Variants in ARHGEF12 observed in about 807,000 individuals in gnomAD.
The protein encoded by ARHGEF12 is KMT2A/ARHGEF12 fusion protein.
ARHGEF12 carries 66 observed loss-of-function variants against 211.2 expected under a neutral mutation model. That is an observed-to-expected ratio of 0.31 (90% CI 0.26 to 0.38). The LOEUF (loss-of-function observed/expected upper bound fraction) is 0.38. Ranked by LOEUF, ARHGEF12 falls within the 10% of genes least tolerant of loss-of-function variation. ARHGEF12 has a pLI of 1.00. For synonymous variants in ARHGEF12, 592 were observed against 638.4 expected, an observed-to-expected ratio of 0.93 and a Z score of 1.09; for missense variants, 1,429 against 1,869.5, an observed-to-expected ratio of 0.76 and a Z score of 4.34.
intron 27 of ARHGEF12, among the ~76,000 whole-genome samples, chr11:120,461,711 A>T (rs181371091): frequency 1.3e-5 from 2 of 152,352 alleles, no homozygotes; most frequent in East Asian, 1.9e-4. Flanking sequence ...CAGTGTAGCC[A>T]CTGTAATCAA....
intron 4 of ARHGEF12, chr11:120,409,688 C>A: frequency 2.5e-6 from 1 of 395,574 alleles, no homozygotes. Flanking sequence ...CCACATTGCC[C>A]ATCTTCTCCC....
intron 11 of ARHGEF12, among the ~76,000 whole-genome samples, chr11:120,435,392 T>A (rs2135747279): frequency 6.6e-6 from 1 of 152,318 alleles, no homozygotes; most frequent in South Asian, 2.1e-4. Context: ...TCATAGATGA[T>A]ACTATGTACA....
chr11:120,442,784 G>A (rs981523858), intron 15 of ARHGEF12, among the ~76,000 whole-genome samples: 5 of 151,772 alleles, frequency 3.3e-5, no homozygotes, highest in Non-Finnish European at 5.9e-5. Flanking sequence ...TAATCATGCC[G>A]CAGGTCCCTA....
intron 26 of ARHGEF12, among the ~76,000 whole-genome samples, chr11:120,459,835 A>G (rs1946474528): frequency 6.6e-6 from 1 of 152,126 alleles, no homozygotes; most frequent in Admixed American, 6.5e-5. Flanking sequence ...CAGCCACCTG[A>G]GTAACTGGGA....
In ARHGEF12 at chr11:120,416,106, A is replaced by G. The variant is rs1455144543; in HGVS notation, c.200-4647A>G. Among the ~76,000 whole-genome samples the G allele has an allele frequency of 6.6e-5, 10 of 152,182 alleles. No homozygotes were observed. The South Asian group carries it at 1.2e-3, about 19-fold the overall frequency. ...ATTTGCTGTATTCTGAAGTAATACT[A>G]ATAGGTTTTCTTGATTCTTATTAAT... On this transcript the variant is annotated intron_variant, in intron 4 of 40. Coordinates refer to ENST00000397843, the MANE Select transcript of ARHGEF12 (RefSeq NM_015313.3).
At chr11:120,377,485 G>GGTGCACAGCACCACACCT (rs1943760204) in intron 1 of ARHGEF12, among the ~76,000 whole-genome samples, 1 of 151,756 alleles carries the variant, frequency 6.6e-6, no homozygotes, top group Non-Finnish European at 1.5e-5. Context: ...AGACCACACA[G>GGTGCACAGCACCACACCT]GTGCACAGCA....
At chr11:120,429,258 C>T (rs1945453684) in intron 8 of ARHGEF12, among the ~76,000 whole-genome samples, 182 bp from the exon 9 acceptor site, 1 of 152,198 alleles carries the variant, frequency 6.6e-6, no homozygotes, top group Admixed American at 6.5e-5. Flanking sequence ...GCAGACATTT[C>T]CTTGTAGTTT....
At chr11:120,424,230 A>G in intron 6 of ARHGEF12, 128 bp from the exon 7 acceptor site, 1 of 565,656 alleles carries the variant, frequency 1.8e-6, no homozygotes, top group Non-Finnish European at 3.0e-6. Flanking sequence ...AATCAAATAC[A>G]TAAATATTTT....
chr11:120,378,065 C>T (rs1438562354), intron 1 of ARHGEF12, among the ~76,000 whole-genome samples: 1 of 152,124 alleles, frequency 6.6e-6, no homozygotes, highest in East Asian at 1.9e-4. Flanking sequence ...CACACCTGGC[C>T]TTGATTAACT....
chr11:120,472,139 G>GT (rs1205522078), intron 30 of ARHGEF12, among the ~76,000 whole-genome samples: 8 of 151,862 alleles, frequency 5.3e-5, no homozygotes, highest in African/African-American at 1.9e-4. Context: ...ACACACACAC[G>GT]TGGGGGAATA....
chr11:120,382,935 T>G (rs537956916), intron 1 of ARHGEF12, among the ~76,000 whole-genome samples: 1 of 152,142 alleles, frequency 6.6e-6, no homozygotes, highest in East Asian at 1.9e-4. Flanking sequence ...GTCAGGAGAT[T>G]GAGACCATCC....
Position 120,420,749 on chromosome 11 carries a change from G to T in ARHGEF12, c.200-4G>T, listed in dbSNP as rs1228799942. On this transcript the variant is annotated splice_region_variant and splice_polypyrimidine_tract_variant and intron_variant, in intron 4 of 40. Coordinates refer to ENST00000397843, the MANE Select transcript of ARHGEF12 (RefSeq NM_015313.3). The stretch of plus-strand genomic sequence containing the variant: ...TCTTGTTTTACACTGTGGTTCTTGT[G>T]CAGGTCTTGTTCAGCGTTGCGTAAT... 9.9e-6 allele frequency: 16 copies of T among 1,612,754 alleles called. No homozygotes were observed. The Admixed American group carries it at 1.3e-4, about 13-fold the overall frequency.
At chr11:120,465,159 T>C in intron 27 of ARHGEF12, 78 bp from the exon 28 acceptor site, 1 of 1,563,228 alleles carries the variant, frequency 6.4e-7, no homozygotes, top group Non-Finnish European at 8.8e-7. Context: ...GAAAGGATTC[T>C]GGTTGTCTGT....
At position 120,440,147 on chromosome 11, in the gene ARHGEF12, G is replaced by A. The variant is rs769876465; in HGVS notation, c.1018G>A (p.Gly340Arg). 1.8e-5 allele frequency: 29 copies of A among 1,612,574 alleles called. No individual in the cohort carries two copies. Among genetic ancestry groups the A allele is most frequent in the Admixed American group, 3.3e-5 (2 of 59,890 alleles). The change falls in exon 13 of 41, where the codon GGA becomes AGA. Residue 340 changes from glycine (G) to arginine (R), a missense_variant. Physicochemically the swap from Gly to Arg is moderately radical, Grantham distance 125. This residue lies in a region of ARHGEF12 where 254 missense variants were observed against 286.4 expected (regional missense o/e 0.89). Transcript: ENST00000397843. ...TTGCCAGGACACTCAATCACTTGTC[G>A]GAAGTCCCTCAACCCGTATAGCACC... ...IQDTDTQSLV[G>R]SPSTRIAPHI... is the part of the protein sequence containing the mutation.
chr11:120,475,321 T>C lies in ARHGEF12; in HGVS notation c.3110-19T>C, dbSNP rs762850423. 6.2e-6 allele frequency: 10 copies of C among 1,610,190 alleles called. No homozygotes were observed. In the South Asian group the frequency reaches 1.1e-4, roughly 18 times the overall value. ...TCCATTTCTGTACTTACCATTTTTT[T>C]CTGCACTTTTATTTCTAGATTTATA... On this transcript the variant is annotated intron_variant, in intron 32 of 40. Transcript: ENST00000397843.
chr11:120,484,380 T>G, intron 39 of ARHGEF12, 58 bp from the exon 40 acceptor site: 1 of 1,501,498 alleles, frequency 6.7e-7, no homozygotes, highest in Non-Finnish European at 9.2e-7. Flanking sequence ...TTCTGAAGTT[T>G]TTGTTTTGTT....
intron 1 of ARHGEF12, among the ~76,000 whole-genome samples, chr11:120,348,293 A>G (rs1356865746): frequency 6.6e-6 from 1 of 152,218 alleles, no homozygotes; most frequent in Non-Finnish European, 1.5e-5. Flanking sequence ...AAATTTGCCC[A>G]AGAAGAATAA....
intron 13 of ARHGEF12, among the ~76,000 whole-genome samples, chr11:120,441,048 G>A (rs1270738766): frequency 6.6e-6 from 1 of 152,080 alleles, no homozygotes; most frequent in Non-Finnish European, 1.5e-5. Flanking sequence ...GTCATGATAT[G>A]TTATCCCTTT....
rs769535073 is a variant in ARHGEF12, at chr11:120,460,727, C to T, written c.2583C>T (p.Ile861=). ...GAAAGAGAAATGAGACCTCTGTTAT[C>T]GATCAGATTGGGGAAGATTTGCTGA... The part of the protein sequence containing the change: ...AVRKRNETSV[I]DQIGEDLLTW... The change falls in exon 27 of 41, where the codon ATC becomes ATT. Residue 861 remains isoleucine (I), a synonymous_variant. Transcript: ENST00000397843. 57 of 1,613,610 alleles carry T rather than the reference C, an allele frequency of 3.5e-5. No individual in the cohort carries two copies. The highest frequency in any genetic ancestry group is 2.5e-5 in the Non-Finnish European group (30 of 1,179,880).
Sources: gnomAD v4.1 joint callset for allele counts (sites outside exome capture counted in the v4.1 genomes callset) on GRCh38, gnomAD v4.1.1 for gene constraint, gnomAD v4.1.1 regional missense constraint, MANE v1.5 for transcripts, NCBI Gene and HGNC (gene_info 2026-07-23, HGNC 2026-07-21) for gene names.